Variants in SMAP1 observed in about 807,000 individuals in gnomAD.
The protein encoded by SMAP1 is stromal membrane-associated protein 1.
Under a neutral mutation model 58.5 loss-of-function variants are expected in SMAP1, and 24 were observed. That is an observed-to-expected ratio of 0.41 (90% CI 0.30 to 0.58). The LOEUF (loss-of-function observed/expected upper bound fraction) is 0.58. Among genes scored for constraint, SMAP1 ranks in the 20% least tolerant of loss-of-function variants. The pLI is 0.29. For missense variants in SMAP1, 563 were observed against 566.3 expected (o/e 0.99, Z 0.06); for synonymous variants, 216 against 196.6 (o/e 1.10, Z -0.82).
At chr6:70,798,203 C>T (rs762898592) in intron 5 of SMAP1, among the ~76,000 whole-genome samples, 49 of 151,302 alleles carry the variant, frequency 3.2e-4, no homozygotes, top group Non-Finnish European at 5.8e-4. Flanking sequence ...ATTTTATAGT[C>T]TTCCCCTTAT....
intron 6 of SMAP1, among the ~76,000 whole-genome samples, chr6:70,808,902 C>CTGTG (rs35577736): frequency 0.075 from 10,914 of 144,670 alleles, 480 homozygotes; most frequent in East Asian, 0.18. Context: ...GGCTGTTTCC[C>CTGTG]TGTGTGTGTG....
At position 70,681,187 on chromosome 6, in the gene SMAP1, C is replaced by T. The variant is rs566916767; in HGVS notation, c.118+13046C>T. On this transcript the variant is annotated intron_variant, in intron 1 of 10. Transcript: ENST00000370455. ...TAATCCCAGCACTTTGGGAGGCCAACGCAGGTGACTCACTTGAGCCCAGAA... is the reference window on the plus strand; with the variant it reads ...TAATCCCAGCACTTTGGGAGGCCAATGCAGGTGACTCACTTGAGCCCAGAA... 3.3e-5 allele frequency among the ~76,000 whole-genome samples: 5 copies of T among 151,752 alleles called. No homozygotes were observed. In the East Asian group the frequency reaches 5.8e-4, roughly 18 times the overall value.
intron 3 of SMAP1, among the ~76,000 whole-genome samples, chr6:70,759,666 TAGAG>T (rs1562139554): frequency 6.6e-6 from 1 of 152,120 alleles, no homozygotes; most frequent in South Asian, 2.1e-4. Context: ...TGATGCACCT[TAGAG>T]AGCTAAAGTG....
In SMAP1 at chr6:70,860,720, C is replaced by G. The variant is rs541283840; in HGVS notation, c.*386C>G. On this transcript the variant is annotated 3_prime_UTR_variant, in exon 11 of 11. Coordinates refer to ENST00000370455, the MANE Select transcript of SMAP1 (RefSeq NM_001044305.3). ...CCCACCCCAAAATTAGCCAGTAATC[C>G]TGTAGGAAGGTACTGTATGATCAAA... 1 of 403,168 alleles carries G rather than the reference C, an allele frequency of 2.5e-6. No individual in the cohort carries two copies. Among genetic ancestry groups the G allele is most frequent in the Non-Finnish European group, 4.4e-6 (1 of 228,464 alleles). 25.0% of individuals were successfully genotyped at this position (403,168 alleles called of 1,614,324 possible). A position where few individuals can be genotyped will look rare whatever the true frequency, so the allele number is the denominator to read the frequency against.
intron 2 of SMAP1, among the ~76,000 whole-genome samples, chr6:70,747,857 A>G (rs1340045175): frequency 6.6e-6 from 1 of 150,988 alleles, no homozygotes; most frequent in East Asian, 1.9e-4. Context: ...CAACAGATAA[A>G]TCAATATCTG....
At chr6:70,761,557 C>T (rs1486591239) in intron 3 of SMAP1, among the ~76,000 whole-genome samples, 1 of 151,996 alleles carries the variant, frequency 6.6e-6, no homozygotes, top group African/African-American at 2.4e-5. Flanking sequence ...CTCATTTACT[C>T]ATCTGTTTAA....
chr6:70,700,279 A>C (rs1343002421), intron 1 of SMAP1, among the ~76,000 whole-genome samples: 1 of 152,208 alleles, frequency 6.6e-6, no homozygotes, highest in Non-Finnish European at 1.5e-5. Flanking sequence ...ATAATTGTAC[A>C]GCCAGCAGAA....
At chr6:70,824,277 A>G (rs1770019256) in intron 6 of SMAP1, among the ~76,000 whole-genome samples, 1 of 152,106 alleles carries the variant, frequency 6.6e-6, no homozygotes, top group Non-Finnish European at 1.5e-5. Flanking sequence ...ATGAATCTTA[A>G]TTATTATTTC....
intron 1 of SMAP1, among the ~76,000 whole-genome samples, chr6:70,728,251 G>A (rs1582071690): frequency 1.3e-5 from 2 of 152,196 alleles, no homozygotes; most frequent in African/African-American, 4.8e-5. Flanking sequence ...AAGAGGCCAG[G>A]GGAACACAGG....
intron 6 of SMAP1, among the ~76,000 whole-genome samples, chr6:70,813,194 T>C (rs192010866): frequency 5.3e-5 from 8 of 152,250 alleles, no homozygotes; most frequent in Non-Finnish European, 8.8e-5. Context: ...GGTAATGTGT[T>C]GTACTGGCCT....
intron 4 of SMAP1, among the ~76,000 whole-genome samples, chr6:70,779,859 C>T (rs1009631751): frequency 5.1e-4 from 77 of 152,284 alleles, no homozygotes; most frequent in African/African-American, 1.6e-3. Context: ...GGAGTGGCTA[C>T]AAACACAGAT....
intron 10 of SMAP1, chr6:70,859,298 G>C: frequency 6.7e-7 from 1 of 1,501,964 alleles, no homozygotes; most frequent in Non-Finnish European, 9.0e-7. Context: ...AGATGAACCA[G>C]GAAGGAGTTA....
intron 8 of SMAP1, among the ~76,000 whole-genome samples, chr6:70,854,359 TG>T (rs1771310402): frequency 1.3e-5 from 2 of 151,980 alleles, no homozygotes; most frequent in African/African-American, 4.8e-5. Context: ...TGGTGGTTCA[TG>T]CCTGTAATCC....
At chr6:70,714,871 G>T (rs1198738375) in intron 1 of SMAP1, among the ~76,000 whole-genome samples, 4 of 151,938 alleles carry the variant, frequency 2.6e-5, no homozygotes, top group Admixed American at 2.6e-4. Flanking sequence ...AGGATTGCTG[G>T]GTATAGTATT....
chr6:70,805,958 G>C (rs1769109659), intron 6 of SMAP1, among the ~76,000 whole-genome samples: 2 of 152,226 alleles, frequency 1.3e-5, no homozygotes, highest in South Asian at 4.1e-4. Flanking sequence ...GGCTACACGG[G>C]GGTCAGGGAC....
chr6:70,710,910 C>T (rs1768031647), intron 1 of SMAP1, among the ~76,000 whole-genome samples: 1 of 152,038 alleles, frequency 6.6e-6, no homozygotes, highest in Non-Finnish European at 1.5e-5. Context: ...CACGAACACC[C>T]ATATTAGCCT....
At chr6:70,707,943 G>A (rs1299760698) in intron 1 of SMAP1, among the ~76,000 whole-genome samples, 5 of 152,108 alleles carry the variant, frequency 3.3e-5, no homozygotes, top group African/African-American at 1.2e-4. Context: ...ACTTTCCATA[G>A]TCAACATTTT....
At chr6:70,850,437 T>C (rs1303602751) in intron 7 of SMAP1, among the ~76,000 whole-genome samples, 3 of 152,064 alleles carry the variant, frequency 2.0e-5, no homozygotes, top group African/African-American at 7.2e-5. Flanking sequence ...ATATTCAGCT[T>C]GTCACCGTTT....
intron 2 of SMAP1, among the ~76,000 whole-genome samples, chr6:70,744,112 A>G (rs1314106581): frequency 1.3e-5 from 2 of 152,236 alleles, no homozygotes; most frequent in East Asian, 1.9e-4. Context: ...CACTATGTCA[A>G]AGGAGTGAAC....
Sources: allele counts gnomAD v4.1 joint callset (sites outside exome capture counted in the v4.1 genomes callset), GRCh38; gene constraint gnomAD v4.1.1; transcripts MANE v1.5; gene names NCBI Gene and HGNC (gene_info 2026-07-23, HGNC 2026-07-21).